The following CDON variants were observed in gnomAD, a reference collection of about 807,000 sequenced individuals.
CDON encodes the protein cell adhesion associated, oncogene regulated, also known as cell adhesion molecule-related/down-regulated by oncogenes.
In CDON, 73 loss-of-function variants were observed where a neutral mutation model predicts 120.9. The observed-to-expected ratio is 0.60, with a 90% CI of 0.50 to 0.73. The LOEUF is 0.73. CDON is among the 30% of genes least tolerant of loss of function. The probability of loss-of-function intolerance (pLI) is 0.00; values close to 1 mark genes in which losing one functional copy is unlikely to be tolerated. For missense variants in CDON, 1,470 were observed against 1,587.3 expected (o/e 0.93, Z 1.26); for synonymous variants, 566 against 573.5 (o/e 0.99, Z 0.19).
chr11:125,978,912 CA>C (rs1197421196), intron 17 of CDON, among the ~76,000 whole-genome samples: 1 of 152,084 alleles, frequency 6.6e-6, no homozygotes, highest in African/African-American at 2.4e-5. Context: ...TATATTTTTC[CA>C]GATGGAGTAG....
Position 126,004,002 on chromosome 11 carries a change from T to C in CDON, c.1926A>G (p.Leu642=). The C allele has an allele frequency of 6.2e-7, 1 of 1,613,974 alleles. No homozygotes were observed. The highest frequency in any genetic ancestry group is 1.6e-4 in the Middle Eastern group (1 of 6,062). The change falls in exon 10 of 20, where the codon TTA becomes TTG. Residue 642 remains leucine (L), a synonymous_variant. Coordinates refer to ENST00000531738, the MANE Select transcript of CDON (RefSeq NM_001378964.1). ...RVPGSENELH[L]AELEPSSLYE... is the part of the protein sequence containing the mutation. ...AAAGACTAGATGGCTCCAGCTCAGC[T>C]AAATGGAGCTCATTTTCACTTCCTG...
rs896147370 is a variant in CDON at position 125,994,795 on chromosome 11, TTG to T, written c.2544+74_2544+75del. 1.0e-5 allele frequency: 13 copies of T among 1,293,316 alleles called. No homozygotes were observed. The Admixed American group carries it at 1.5e-4, about 14-fold the overall frequency. The allele number at this position is 1,293,316 out of a possible 1,614,324, so 80.1% of individuals were successfully genotyped here. On this transcript the variant is annotated intron_variant, in intron 13 of 19. Transcript: ENST00000531738. ...AGTTCAAAATTTGCTGTTTACTGTA[TTG>T]TGTCATGAGAATATTAAATTGATTG...
chr11:126,058,262 T>G (rs1324131967), intron 1 of CDON, among the ~76,000 whole-genome samples: 4 of 152,222 alleles, frequency 2.6e-5, no homozygotes, highest in Non-Finnish European at 4.4e-5. Flanking sequence ...CCTACTCACA[T>G]TCCAACAGAT....
At chr11:126,025,326 C>T (rs946582840) in intron 1 of CDON, among the ~76,000 whole-genome samples, 4 of 152,172 alleles carry the variant, frequency 2.6e-5, no homozygotes, top group Non-Finnish European at 5.9e-5. Flanking sequence ...GAAAGGACTA[C>T]TGAAGGTCAT....
chr11:125,971,213 C>T (rs1345492221), intron 18 of CDON, among the ~76,000 whole-genome samples: 2 of 151,978 alleles, frequency 1.3e-5, no homozygotes, highest in Non-Finnish European at 2.9e-5. Flanking sequence ...GAAACCCCAT[C>T]TCTACTAAAA....
intron 1 of CDON, among the ~76,000 whole-genome samples, chr11:126,050,258 T>C (rs924134347): frequency 1.3e-5 from 2 of 151,624 alleles, no homozygotes; most frequent in African/African-American, 4.9e-5. Context: ...AATTTAGCTA[T>C]TTTAATCTAT....
intron 1 of CDON, among the ~76,000 whole-genome samples, chr11:126,043,957 A>G (rs1293309810): frequency 6.6e-6 from 1 of 152,262 alleles, no homozygotes; most frequent in Admixed American, 6.5e-5. Flanking sequence ...AACCAAAGAC[A>G]GGTCCCAAAA....
chr11:126,020,721 T>A (rs1050082371), intron 3 of CDON, among the ~76,000 whole-genome samples: 7 of 152,234 alleles, frequency 4.6e-5, no homozygotes, highest in Non-Finnish European at 1.0e-4. Flanking sequence ...TTTCCGTAAG[T>A]TCAATACTCA....
intron 12 of CDON, among the ~76,000 whole-genome samples, 174 bp downstream of exon 12, chr11:125,997,033 C>T: frequency 6.6e-6 from 1 of 151,972 alleles, no homozygotes; most frequent in East Asian, 1.9e-4. Context: ...AAAAATTAGC[C>T]AGGCACGGTG....
Position 126,023,545 on chromosome 11 carries a change from A to C in CDON, c.-61-8T>G, listed in dbSNP as rs185481085. ...AACCCAGTCCTTGGTTCACTAAAAA[A>C]GAAAAAGGAAAGAAAATCTAAACCA... On this transcript the variant is annotated splice_polypyrimidine_tract_variant and splice_region_variant and intron_variant, in intron 1 of 19. Transcript: ENST00000531738. 3.3e-5 allele frequency: 37 copies of C among 1,126,076 alleles called. 2 individuals carry two copies. The African/African-American group carries it at 5.3e-4, about 16-fold the overall frequency. The allele number at this position is 1,126,076 out of a possible 1,614,324, so 69.8% of individuals were successfully genotyped here.
intron 16 of CDON, among the ~76,000 whole-genome samples, chr11:125,983,421 T>C (rs113615738): frequency 0.031 from 4,651 of 152,258 alleles, 109 homozygotes; most frequent in African/African-American, 0.06. Context: ...GGCTGCGTTA[T>C]CCTCATCGGT....
chr11:125,976,005 C>G (rs1307104063), intron 18 of CDON, among the ~76,000 whole-genome samples: 1 of 152,170 alleles, frequency 6.6e-6, no homozygotes, highest in Non-Finnish European at 1.5e-5. Flanking sequence ...TACACTATTT[C>G]AGCTGATATT....
rs997182010 is a variant in CDON at position 125,960,847 on chromosome 11, G to A, written c.*95C>T. 9.1e-7 allele frequency: 1 copy of A among 1,097,516 alleles called. No individual in the cohort carries two copies. The highest frequency in any genetic ancestry group is 1.5e-5 in the African/African-American group (1 of 64,730). 68.0% of individuals were successfully genotyped at this position (1,097,516 alleles called of 1,614,324 possible). ...AAAAAAATAAATAATGATTTTCTCT[G>A]ATTTGAATTAAGGTCCTTCACACAG... On this transcript the variant is annotated 3_prime_UTR_variant, in exon 20 of 20. Coordinates refer to ENST00000531738, the MANE Select transcript of CDON (RefSeq NM_001378964.1).
intron 18 of CDON, among the ~76,000 whole-genome samples, chr11:125,974,807 T>C (rs1946108604): frequency 6.6e-6 from 1 of 152,184 alleles, no homozygotes; most frequent in African/African-American, 2.4e-5. Flanking sequence ...AAACCAAATT[T>C]ATCACCTTTT....
At position 126,034,284 on chromosome 11, in the gene CDON, T is replaced by C. The variant is rs1045658781; in HGVS notation, c.-61-10747A>G. 3.3e-5 allele frequency among the ~76,000 whole-genome samples: 5 copies of C among 152,008 alleles called. No individual in the cohort carries two copies. The highest frequency in any genetic ancestry group is 1.2e-4 in the African/African-American group (5 of 41,370). ...CAAAAGTAGAGGAAGAAAATGGAAG[T>C]GACTTGGAGTTATGGCACCAAAAAG... On this transcript the variant is annotated intron_variant, in intron 1 of 19. Transcript: ENST00000531738. This position sits in a 1 kb window ranked among gnomAD's most constrained non-coding sequence, Gnocchi z 4.5.
chr11:125,972,255 G>A (rs1482834324), intron 18 of CDON, among the ~76,000 whole-genome samples: 5 of 152,148 alleles, frequency 3.3e-5, no homozygotes, highest in East Asian at 1.9e-4. Flanking sequence ...GCAAAACTCC[G>A]TCTCTACTAA....
At chr11:126,042,404 T>C (rs1265706827) in intron 1 of CDON, among the ~76,000 whole-genome samples, 1 of 152,204 alleles carries the variant, frequency 6.6e-6, no homozygotes, top group East Asian at 1.9e-4. Context: ...ACATGCAGTA[T>C]GAAAAATCTT....
chr11:125,970,789 G>C (rs1023105478), intron 18 of CDON, among the ~76,000 whole-genome samples: 1 of 152,096 alleles, frequency 6.6e-6, no homozygotes, highest in African/African-American at 2.4e-5. Flanking sequence ...AGACACACAC[G>C]AGCTTATAAA....
At chr11:125,964,781 T>C (rs1201615422) in intron 18 of CDON, among the ~76,000 whole-genome samples, 2 of 152,154 alleles carry the variant, frequency 1.3e-5, no homozygotes, top group Admixed American at 1.3e-4. Flanking sequence ...CCATATTGCA[T>C]CAGACTCAAT....
Sources: allele counts gnomAD v4.1 joint callset (sites outside exome capture counted in the v4.1 genomes callset), GRCh38; gene constraint gnomAD v4.1.1; non-coding constraint Gnocchi (gnomAD v3.1); transcripts MANE v1.5; gene names NCBI Gene and HGNC (gene_info 2026-07-23, HGNC 2026-07-21).